Variants in CNTNAP2 observed in about 807,000 individuals in gnomAD.
The protein encoded by CNTNAP2 is contactin-associated protein-like 2.
In CNTNAP2, 98 loss-of-function variants were observed where a neutral mutation model predicts 155.2. The observed-to-expected ratio is 0.63, with a 90% CI of 0.54 to 0.75. The LOEUF is 0.75. Ranked by LOEUF, CNTNAP2 falls within the 30% of genes least tolerant of loss-of-function variation. CNTNAP2 has a pLI of 0.00. For missense variants in CNTNAP2, 1,727 were observed against 1,688.1 expected (o/e 1.02, Z -0.40); for synonymous variants, 651 against 631.2 (o/e 1.03, Z -0.47).
intron 1 of CNTNAP2, among the ~76,000 whole-genome samples, chr7:146,467,485 C>A (rs550466977): frequency 6.6e-6 from 1 of 152,262 alleles, no homozygotes; most frequent in South Asian, 2.1e-4. Context: ...GATCATTCTG[C>A]ATCTTTTCCA....
At chr7:148,283,988 T>C (rs1797035640) in intron 21 of CNTNAP2, among the ~76,000 whole-genome samples, 2 of 152,248 alleles carry the variant, frequency 1.3e-5, no homozygotes, top group African/African-American at 2.4e-5. Flanking sequence ...GTTTTAGTAT[T>C]CACTAATTGA....
intron 1 of CNTNAP2, among the ~76,000 whole-genome samples, chr7:146,385,703 G>A (rs1563064105): frequency 6.6e-6 from 1 of 152,142 alleles, no homozygotes; most frequent in Non-Finnish European, 1.5e-5. Flanking sequence ...ACTGATTACT[G>A]ATCCCTTGGG....
At chr7:147,002,791 A>T (rs1798448489) in intron 3 of CNTNAP2, among the ~76,000 whole-genome samples, 2 of 151,792 alleles carry the variant, frequency 1.3e-5, no homozygotes, top group African/African-American at 4.8e-5. Context: ...TCTCTTCATT[A>T]GGGCGCTAAT....
chr7:146,362,958 A>G (rs887697290), intron 1 of CNTNAP2, among the ~76,000 whole-genome samples: 15 of 151,890 alleles, frequency 9.9e-5, no homozygotes, highest in African/African-American at 3.4e-4. Flanking sequence ...TTTAGTAGAG[A>G]TGGGGTTTCA....
chr7:146,353,952 T>C lies in CNTNAP2; in HGVS notation c.97+236979T>C, dbSNP rs144126726. ...AGCTGTATTTGTTCAAAAATATTGC[T>C]AGGCATAAAAATAGATAATATTTAT... On this transcript the variant is annotated intron_variant, in intron 1 of 23. Coordinates refer to ENST00000361727, the MANE Select transcript of CNTNAP2 (RefSeq NM_014141.6). Among the ~76,000 whole-genome samples, 746 of 152,292 alleles carry C rather than the reference T, an allele frequency of 4.9e-3. 4 individuals are homozygous for C. The highest frequency in any genetic ancestry group is 7.5e-3 in the Non-Finnish European group (508 of 68,024).
chr7:147,957,328 A>G (rs1412789680), intron 14 of CNTNAP2, among the ~76,000 whole-genome samples: 1 of 152,166 alleles, frequency 6.6e-6, no homozygotes, highest in Non-Finnish European at 1.5e-5. Flanking sequence ...TGGAATCTAA[A>G]CTAATGAAGA....
At chr7:146,201,173 A>G (rs532349787) in intron 1 of CNTNAP2, among the ~76,000 whole-genome samples, 1 of 152,298 alleles carries the variant, frequency 6.6e-6, no homozygotes, top group South Asian at 2.1e-4. Flanking sequence ...GTGAGAACAT[A>G]CAAATATATA....
rs553171879 is a variant in CNTNAP2, at chr7:147,194,859, G to A, written c.1348+62350G>A. ...GGGTAGATTGCAAAAATTTTCTCCC[G>A]TTCTGTAGGTTGCCTGTTCACTTTG... On this transcript the variant is annotated intron_variant, in intron 8 of 23. Coordinates refer to ENST00000361727, the MANE Select transcript of CNTNAP2 (RefSeq NM_014141.6). Among the ~76,000 whole-genome samples the A allele has an allele frequency of 2.5e-3, 382 of 152,046 alleles. 2 individuals are homozygous for A. The highest frequency in any genetic ancestry group is 3.4e-3 in the Middle Eastern group (1 of 294).
chr7:148,044,266 G>A (rs894499044), intron 15 of CNTNAP2, among the ~76,000 whole-genome samples: 1 of 151,136 alleles, frequency 6.6e-6, no homozygotes, highest in African/African-American at 2.4e-5. Flanking sequence ...TCCGACCCAA[G>A]GGGGTTCCCG....
chr7:146,562,593 T>G (rs767918818), intron 1 of CNTNAP2, among the ~76,000 whole-genome samples: 9 of 152,152 alleles, frequency 5.9e-5, no homozygotes, highest in Non-Finnish European at 1.2e-4. Context: ...GGGCTTTGTC[T>G]CAACACTTAA....
chr7:146,428,390 C>T (rs1251700730), intron 1 of CNTNAP2, among the ~76,000 whole-genome samples: 1 of 151,942 alleles, frequency 6.6e-6, no homozygotes, highest in Admixed American at 6.6e-5. Flanking sequence ...TTTTTTTATC[C>T]AAAACCTTGC....
chr7:148,134,880 T>C (rs183204958), intron 16 of CNTNAP2, among the ~76,000 whole-genome samples: 1 of 152,276 alleles, frequency 6.6e-6, no homozygotes, highest in African/African-American at 2.4e-5. Context: ...ATTTAAATTA[T>C]CATTTTGGTG....
At chr7:146,191,342 G>T (rs1181297603) in intron 1 of CNTNAP2, among the ~76,000 whole-genome samples, 2 of 152,114 alleles carry the variant, frequency 1.3e-5, no homozygotes, top group African/African-American at 4.8e-5. Flanking sequence ...TAGGGTGTGG[G>T]TCACAGAGAT....
At chr7:146,763,613 A>G (rs577796455) in intron 1 of CNTNAP2, among the ~76,000 whole-genome samples, 1 of 152,344 alleles carries the variant, frequency 6.6e-6, no homozygotes, top group South Asian at 2.1e-4. Flanking sequence ...TAAAATCAAT[A>G]TATGTTAATT....
At chr7:147,246,613 C>A (rs1369378382) in intron 8 of CNTNAP2, among the ~76,000 whole-genome samples, 1 of 152,110 alleles carries the variant, frequency 6.6e-6, no homozygotes, top group Admixed American at 6.5e-5. Flanking sequence ...TAATCGCCTC[C>A]CAAGAGTCCT....
At chr7:146,607,192 T>G (rs954162651) in intron 1 of CNTNAP2, among the ~76,000 whole-genome samples, 1 of 152,194 alleles carries the variant, frequency 6.6e-6, no homozygotes. Context: ...TCTGTCAAAG[T>G]TTCGAGCTAA....
At chr7:146,360,357 T>C (rs1378395006) in intron 1 of CNTNAP2, among the ~76,000 whole-genome samples, 1 of 152,210 alleles carries the variant, frequency 6.6e-6, no homozygotes, top group Non-Finnish European at 1.5e-5. Context: ...AGTTAACTAA[T>C]TCATATTTAA....
chr7:147,305,878 C>T (rs1795016705), intron 9 of CNTNAP2, among the ~76,000 whole-genome samples: 1 of 152,108 alleles, frequency 6.6e-6, no homozygotes, highest in South Asian at 2.1e-4. Flanking sequence ...TCCTTCAACT[C>T]CTCTGGCTTC....
rs141039511 is a variant in CNTNAP2, at chr7:147,194,327, A to G, written c.1348+61818A>G. 2.3e-3 allele frequency among the ~76,000 whole-genome samples: 345 copies of G among 152,226 alleles called. 3 individuals are homozygous for G. The highest frequency in any genetic ancestry group is 8.0e-3 in the African/African-American group (333 of 41,534). ...GTACCACATTTTCTTTATCCAGTCTATCATTGATGGGCATTTGGGTTGGTT... is the reference window on the plus strand; with the variant it reads ...GTACCACATTTTCTTTATCCAGTCTGTCATTGATGGGCATTTGGGTTGGTT... On this transcript the variant is annotated intron_variant, in intron 8 of 23. Coordinates refer to ENST00000361727, the MANE Select transcript of CNTNAP2 (RefSeq NM_014141.6).
Sources: gnomAD v4.1 joint callset for allele counts (sites outside exome capture counted in the v4.1 genomes callset) on GRCh38, gnomAD v4.1.1 for gene constraint, MANE v1.5 for transcripts, NCBI Gene and HGNC (gene_info 2026-07-23, HGNC 2026-07-21) for gene names.